Variants in HIBCH observed in about 807,000 individuals in gnomAD.
HIBCH encodes 3-hydroxyisobutyryl-CoA hydrolase.
A neutral mutation model predicts 58.2 loss-of-function variants in HIBCH; 50 were observed. That is an observed-to-expected ratio of 0.86 (90% CI 0.68 to 1.09). The LOEUF (loss-of-function observed/expected upper bound fraction) is 1.09. Ranked by LOEUF, HIBCH falls within the 50% of genes least tolerant of loss-of-function variation. The pLI is 0.00. For missense variants in HIBCH, 450 were observed against 449.7 expected (o/e 1.00, Z -0.01); for synonymous variants, 151 against 146.9 (o/e 1.03, Z -0.20).
rs781319838 is a variant in HIBCH at position 190,213,004 on chromosome 2, G to C, written c.963C>G (p.Thr321=). 9.9e-6 allele frequency: 16 copies of C among 1,610,194 alleles called. No individual in the cohort carries two copies. The highest frequency in any genetic ancestry group is 1.7e-4 in the Middle Eastern group (1 of 5,940). Residue 321 remains threonine (T), a synonymous_variant, in exon 12 of 14, where the codon ACC becomes ACG. Coordinates refer to ENST00000359678, the MANE Select transcript of HIBCH (RefSeq NM_014362.4). ...ACTCCATAGTTAGTACTTCTTGCAA[G>C]GTCTTTGAAGACCCCTCCATGAGTT... The part of the protein sequence containing the change: ...LRQLMEGSSK[T]LQEVLTMEYR...
At chr2:190,311,086 A>G in intron 1 of HIBCH, 1 of 560,646 alleles carries the variant, frequency 1.8e-6, no homozygotes, top group South Asian at 1.7e-5. Context: ...ATAAAATATT[A>G]TTCAGCCATG....
rs141388320 is a variant in HIBCH at position 190,197,306 on chromosome 2, G to T, written c.*18-7309C>A. 2.6e-5 allele frequency among the ~76,000 whole-genome samples: 4 copies of T among 152,114 alleles called. No individual in the cohort carries two copies. The highest frequency in any genetic ancestry group is 9.7e-5 in the African/African-American group (4 of 41,412). On this transcript the variant is annotated intron_variant, in intron 1 of 1. Transcript: ENST00000399855. This position sits in a 1 kb window ranked among gnomAD's most constrained non-coding sequence, Gnocchi z 4.0. ...CATTTCTTGAGTAGTAACTAAATAC[G>T]AAAGTGTTCAATGAGATTGCTCCAC...
intron 3 of HIBCH, among the ~76,000 whole-genome samples, chr2:190,294,908 T>C (rs1181388951): frequency 1.3e-5 from 2 of 152,318 alleles, no homozygotes; most frequent in East Asian, 1.9e-4. Context: ...CCTGAAATCT[T>C]TGCCATAACT....
At chr2:190,259,266 T>C (rs185807683) in intron 7 of HIBCH, among the ~76,000 whole-genome samples, 501 of 152,242 alleles carry the variant, frequency 3.3e-3, no homozygotes, top group African/African-American at 0.011. Flanking sequence ...TTTTTATTTA[T>C]TTGTGTCTTC....
downstream of HIBCH, chr2:190,200,080 T>C (rs1387970376): frequency 3.1e-6 from 5 of 1,613,962 alleles, no homozygotes; most frequent in East Asian, 4.5e-5. Context: ...GTGTGATGCC[T>C]TGCAGCAATG....
chr2:190,195,941 CTT>C (rs35679833), intron 1 of HIBCH, among the ~76,000 whole-genome samples: 1,789 of 86,150 alleles, frequency 0.021, 33 homozygotes, highest in African/African-American at 0.067. Context: ...CTGTGTCCAG[CTT>C]TTTTTTTTTT....
Position 190,194,477 on chromosome 2 carries a change from TACACACACACAC to T in HIBCH, c.*18-4492_*18-4481del, listed in dbSNP as rs3083429. ...GTAGTGTTCCCACGTATCCTGTGTA[TACACACACACAC>T]ACACACACACACACACACACACACA... On this transcript the variant is annotated intron_variant, in intron 1 of 1. Transcript: ENST00000399855. Among the ~76,000 whole-genome samples, 717 of 141,474 alleles carry T rather than the reference TACACACACACAC, an allele frequency of 5.1e-3. 3 individuals carry two copies. Among genetic ancestry groups the T allele is most frequent in the African/African-American group, 0.015 (576 of 37,434 alleles). The allele number at this position is 141,474 out of a possible 152,430, so 92.8% of individuals were successfully genotyped here. A position where few individuals can be genotyped will look rare whatever the true frequency, so the allele number is the denominator to read the frequency against.
At chr2:190,249,468 T>C (rs946421798) in intron 9 of HIBCH, among the ~76,000 whole-genome samples, 172 bp downstream of exon 9, 2 of 152,222 alleles carry the variant, frequency 1.3e-5, no homozygotes, top group African/African-American at 4.8e-5. Flanking sequence ...TCTTATTAGC[T>C]GGCTATACTA....
chr2:190,259,637 T>C (rs1321084908), intron 7 of HIBCH, among the ~76,000 whole-genome samples: 1 of 152,228 alleles, frequency 6.6e-6, no homozygotes, highest in Non-Finnish European at 1.5e-5. Context: ...GAAATTGTTT[T>C]CTTATTTTTC....
At chr2:190,244,724 G>T (rs757286928) in intron 11 of HIBCH, among the ~76,000 whole-genome samples, 163 bp downstream of exon 11, 15 of 152,154 alleles carry the variant, frequency 9.9e-5, no homozygotes, top group Admixed American at 2.0e-4. Flanking sequence ...TTAGGTCAGG[G>T]TTAGTGGAAC....
chr2:190,223,291 G>C (rs1472615545), intron 11 of HIBCH, among the ~76,000 whole-genome samples: 1 of 152,094 alleles, frequency 6.6e-6, no homozygotes, highest in Non-Finnish European at 1.5e-5. Flanking sequence ...TAAGAGACAG[G>C]GTCTTGCTAT....
At chr2:190,274,750 G>A (rs763456973) in intron 6 of HIBCH, among the ~76,000 whole-genome samples, 2 of 152,188 alleles carry the variant, frequency 1.3e-5, no homozygotes, top group Non-Finnish European at 2.9e-5. Context: ...ACTTCAACTC[G>A]AAAGGATGTG....
intron 11 of HIBCH, among the ~76,000 whole-genome samples, chr2:190,227,032 C>G (rs1685925170): frequency 6.7e-6 from 1 of 150,136 alleles, no homozygotes; most frequent in Admixed American, 6.6e-5. Context: ...CAATGCCATC[C>G]CCATCAAGCT....
intron 1 of HIBCH, among the ~76,000 whole-genome samples, chr2:190,317,710 G>A (rs1471274996): frequency 1.3e-5 from 2 of 152,198 alleles, no homozygotes; most frequent in Non-Finnish European, 2.9e-5. Context: ...AGAGGTTAAG[G>A]TTTGGGAGTG....
intron 11 of HIBCH, among the ~76,000 whole-genome samples, chr2:190,223,884 C>T (rs1464935176): frequency 6.6e-6 from 1 of 152,228 alleles, no homozygotes; most frequent in East Asian, 1.9e-4. Flanking sequence ...AACTGAGGTA[C>T]CACGTTCATC....
chr2:190,266,785 C>A (rs1169779114), intron 6 of HIBCH, among the ~76,000 whole-genome samples: 1 of 151,692 alleles, frequency 6.6e-6, no homozygotes, highest in African/African-American at 2.4e-5. Context: ...GAGACAGAGT[C>A]CTGCTTTGTT....
At chr2:190,289,671 A>C (rs1014879679) in intron 5 of HIBCH, among the ~76,000 whole-genome samples, 1 of 152,174 alleles carries the variant, frequency 6.6e-6, no homozygotes, top group East Asian at 1.9e-4. Flanking sequence ...AGGGTACACA[A>C]GTACTTATTA....
chr2:190,225,142 A>T (rs933957275), intron 11 of HIBCH, among the ~76,000 whole-genome samples: 12 of 152,270 alleles, frequency 7.9e-5, no homozygotes, highest in African/African-American at 2.9e-4. Flanking sequence ...AAATTTATAG[A>T]ACTAAATGCC....
intron 6 of HIBCH, among the ~76,000 whole-genome samples, chr2:190,266,918 G>A (rs1687258755): frequency 6.9e-6 from 1 of 145,306 alleles, no homozygotes; most frequent in South Asian, 2.2e-4. Flanking sequence ...CACCACACCA[G>A]GCTAGTTTTT....
Sources: gnomAD v4.1 joint callset for allele counts (sites outside exome capture counted in the v4.1 genomes callset) on GRCh38, gnomAD v4.1.1 for gene constraint, Gnocchi (gnomAD v3.1) non-coding constraint, MANE v1.5 for transcripts, NCBI Gene and HGNC (gene_info 2026-07-23, HGNC 2026-07-21) for gene names.